Variants in XPO5 observed in about 807,000 individuals in gnomAD.
XPO5 encodes exportin 5, also known as exportin-5.
A neutral mutation model predicts 160.6 loss-of-function variants in XPO5; 46 were observed. That is an observed-to-expected ratio of 0.29 (90% CI 0.23 to 0.37). The LOEUF (loss-of-function observed/expected upper bound fraction) is 0.37, where lower values mean the gene tolerates loss of function less well. XPO5 is among the 10% of genes least tolerant of loss of function. XPO5 has a pLI of 1.00. For synonymous variants in XPO5, 537 were observed against 519.3 expected (o/e 1.03, Z -0.46); for missense variants, 1,090 against 1,463.9 (o/e 0.74, Z 4.17).
intron 8 of XPO5, among the ~76,000 whole-genome samples, chr6:43,562,867 A>G (rs1475214205): frequency 2.6e-5 from 4 of 152,206 alleles, no homozygotes; most frequent in Non-Finnish European, 5.9e-5. Flanking sequence ...CTACCCAAAA[A>G]ACGTTATTCA....
chr6:43,571,040 C>T (rs1449990769), intron 3 of XPO5, 46 bp from the exon 4 acceptor site: 2 of 1,565,750 alleles, frequency 1.3e-6, no homozygotes, highest in Non-Finnish European at 1.7e-6. Context: ...GACTGGATTC[C>T]AGACTTCCAG....
intron 20 of XPO5, among the ~76,000 whole-genome samples, chr6:43,536,758 T>TAAAAAAAAAAAAAAAAAAAAA (rs1156884252): frequency 5.2e-5 from 1 of 19,100 alleles, no homozygotes; most frequent in Non-Finnish European, 8.6e-5. Context: ...AGACTCTATC[T>TAAAAAAAAAAAAAAAAAAAAA]AAAAAAAAAA....
In XPO5 at chr6:43,523,822, G is replaced by A. The variant is rs1233646203; in HGVS notation, c.*46C>T. The A allele has an allele frequency of 6.2e-7, 1 of 1,613,840 alleles. No individual in the cohort carries two copies. On this transcript the variant is annotated 3_prime_UTR_variant, in exon 32 of 32. Transcript: ENST00000265351. ...CCTAGAGATCGGCTACAAAGGGAAAGAAGAGATGACAAGAAAGGCCGAGGA... is the reference window on the plus strand; with the variant it reads ...CCTAGAGATCGGCTACAAAGGGAAAAAAGAGATGACAAGAAAGGCCGAGGA...
intron 27 of XPO5, 21 bp downstream of exon 27, chr6:43,526,664 A>AT: frequency 1.2e-6 from 2 of 1,613,510 alleles, no homozygotes; most frequent in Non-Finnish European, 1.7e-6. Context: ...CAGAACTCCA[A>AT]GGTCTCACAG....
At chr6:43,558,412 TA>T in intron 12 of XPO5, 88 bp downstream of exon 12, 1 of 1,239,792 alleles carries the variant, frequency 8.1e-7, no homozygotes, top group Middle Eastern at 1.9e-4. Context: ...GGATCTTTCG[TA>T]AAAACCCCAA....
In XPO5 at chr6:43,527,687, A is replaced by G. The variant is rs1419209256; in HGVS notation, c.2867T>C (p.Met956Thr). Residue 956 changes from methionine to threonine, a missense_variant, in exon 26 of 32, where the codon ATG becomes ACG. This residue lies in a region of XPO5 where 810 missense variants were observed against 1,139.0 expected (regional missense o/e 0.71). Transcript: ENST00000265351. ...AADENPESQE[M>T]LEEQLVRMLT... The stretch of plus-strand genomic sequence containing the variant: ...CATCCTCACCAGTTGCTCCTCCAGC[A>G]TCTCTTGAGACTCTGGGTTTTCATC... The G allele has an allele frequency of 6.2e-7, 1 of 1,613,870 alleles. No homozygotes were observed. Among genetic ancestry groups the G allele is most frequent in the East Asian group, 2.2e-5 (1 of 44,896 alleles).
At chr6:43,536,306 T>C (rs1022707548) in intron 20 of XPO5, among the ~76,000 whole-genome samples, 1 of 151,394 alleles carries the variant, frequency 6.6e-6, no homozygotes, top group African/African-American at 2.4e-5. Flanking sequence ...TCCCAGCTAC[T>C]TGAGAGGTCA....
At position 43,523,496 on chromosome 6, in the gene XPO5, C is replaced by T. The variant is rs1011613504; in HGVS notation, c.*372G>A. The T allele has an allele frequency of 2.3e-5, 9 of 388,824 alleles. 1 individual carries two copies. Among genetic ancestry groups the T allele is most frequent in the South Asian group, 6.1e-5 (3 of 48,808 alleles). 24.1% of individuals were successfully genotyped at this position (388,824 alleles called of 1,614,324 possible). On this transcript the variant is annotated 3_prime_UTR_variant, in exon 32 of 32. Coordinates refer to ENST00000265351, the MANE Select transcript of XPO5 (RefSeq NM_020750.3). ...TGCTCTTGCTGCGAGCCTTGCTAGT[C>T]GCAGGGTTGGGCACAGCACCCTTAG...
chr6:43,543,673 A>T (rs985881537), intron 20 of XPO5, among the ~76,000 whole-genome samples: 5 of 149,730 alleles, frequency 3.3e-5, no homozygotes, highest in Admixed American at 6.7e-5. Flanking sequence ...AATTTATTTA[A>T]TTTTTTTTTT....
intron 21 of XPO5, among the ~76,000 whole-genome samples, chr6:43,532,821 A>G (rs1794066567): frequency 6.6e-6 from 1 of 152,204 alleles, no homozygotes; most frequent in Non-Finnish European, 1.5e-5. Flanking sequence ...TTTCAATGGG[A>G]AAATGAATTA....
At chr6:43,573,823 ATTTTTTT>A (rs111408497) in intron 1 of XPO5, among the ~76,000 whole-genome samples, 3 of 126,148 alleles carry the variant, frequency 2.4e-5, no homozygotes, top group African/African-American at 9.8e-5. Context: ...ATATATATAT[ATTTTTTT>A]TTTTTTTTTT....
chr6:43,524,647 A>C lies in XPO5; in HGVS notation c.3313-12T>G. 6.2e-7 allele frequency: 1 copy of C among 1,612,026 alleles called. No individual in the cohort carries two copies. Among genetic ancestry groups the C allele is most frequent in the Non-Finnish European group, 8.5e-7 (1 of 1,178,600 alleles). On this transcript the variant is annotated splice_polypyrimidine_tract_variant and intron_variant, in intron 30 of 31. Transcript: ENST00000265351. ...AGGTACCTGGGGCGCTGATATCAGC[A>C]GGGATAAACTTACTGGATGTAGGTT... is the stretch of plus-strand genomic sequence containing the variant.
chr6:43,556,049 A>G, intron 12 of XPO5, 85 bp from the exon 13 acceptor site: 1 of 1,537,778 alleles, frequency 6.5e-7, no homozygotes. Context: ...TTACCACCCT[A>G]GGGGAAAAGC....
In XPO5 at chr6:43,546,728, G is replaced by C. The variant is rs1246168489; in HGVS notation, c.2185C>G (p.Leu729Val). ...CAGCAAGTTCGTTTCACCACACCCA[G>C]AATGCTGTATACACAAAAGCTCATC... ...ARMSFCVYSI[L>V]GVVKRTCWPT... Residue 729 changes from leucine to valine, a missense_variant, in exon 20 of 32, where the codon CTG (leucine) becomes GTG (valine). Leu to Val is a conservative substitution (Grantham distance 32). Around this residue, in one of 3 missense-constraint regions of XPO5, gnomAD observed 810 missense variants for 1,139.0 expected, o/e 0.71. Transcript: ENST00000265351. 3.1e-6 allele frequency: 5 copies of C among 1,606,112 alleles called. No homozygotes were observed. The highest frequency in any genetic ancestry group is 3.4e-6 in the Non-Finnish European group (4 of 1,177,278).
At chr6:43,570,788 A>T (rs1762971890) in intron 4 of XPO5, 69 bp downstream of exon 4, 16 of 1,543,514 alleles carry the variant, frequency 1.0e-5, no homozygotes, top group African/African-American at 2.8e-5. Context: ...CACAAACAAA[A>T]TCAAACAACA....
Position 43,523,537 on chromosome 6 carries a change from G to T in XPO5, c.*331C>A. The stretch of plus-strand genomic sequence containing the variant: ...GCACCCTTAGTTACCATTCTGTACA[G>T]GTATGTGGCTGCACGGGGGTGGGAG... On this transcript the variant is annotated 3_prime_UTR_variant, in exon 32 of 32. Transcript: ENST00000265351. 1 of 492,078 alleles carries T rather than the reference G, an allele frequency of 2.0e-6. No homozygotes were observed. Among genetic ancestry groups the T allele is most frequent in the Non-Finnish European group, 4.0e-6 (1 of 250,908 alleles). The allele number at this position is 492,078 out of a possible 1,614,324, so 30.5% of individuals were successfully genotyped here. A position where few individuals can be genotyped will look rare whatever the true frequency, so the allele number is the denominator to read the frequency against.
intron 20 of XPO5, among the ~76,000 whole-genome samples, chr6:43,540,479 A>T (rs1794633799): frequency 6.6e-6 from 1 of 151,682 alleles, no homozygotes; most frequent in Non-Finnish European, 1.5e-5. Context: ...ACTCCGTCTC[A>T]AAATAAATAA....
At chr6:43,575,720 G>C (rs751080534) in intron 1 of XPO5, 40 bp downstream of exon 1, 1 of 1,560,764 alleles carries the variant, frequency 6.4e-7, no homozygotes, top group Non-Finnish European at 8.8e-7. Flanking sequence ...GGCTGGGAGA[G>C]GGTGTCGGGA....
intron 27 of XPO5, chr6:43,526,171 A>G (rs1040228706): frequency 1.0e-5 from 5 of 496,086 alleles, no homozygotes; most frequent in African/African-American, 7.7e-5. Context: ...CAAATACTGA[A>G]GTTACTTTGT....
Sources: gnomAD v4.1 joint callset for allele counts (sites outside exome capture counted in the v4.1 genomes callset) on GRCh38, gnomAD v4.1.1 for gene constraint, gnomAD v4.1.1 regional missense constraint, MANE v1.5 for transcripts, NCBI Gene and HGNC (gene_info 2026-07-23, HGNC 2026-07-21) for gene names.